FRRS1: variants seen among roughly 807,000 people sequenced by gnomAD.
FRRS1 encodes ferric chelate reductase 1, also known as ferric reductase 1.
Under a neutral mutation model 70.7 loss-of-function variants are expected in FRRS1, and 51 were observed. The ratio of observed to expected loss-of-function variants is 0.72; its 90% CI spans 0.58 to 0.91. The LOEUF is 0.91. Among genes scored for constraint, FRRS1 ranks in the 40% least tolerant of loss-of-function variants. FRRS1 has a pLI of 0.00. For synonymous variants in FRRS1, 225 were observed against 238.7 expected, an observed-to-expected ratio of 0.94 and a Z score of 0.53; for missense variants, 672 against 726.0, an observed-to-expected ratio of 0.93 and a Z score of 0.86.
rs377398277 is a variant in FRRS1, at chr1:99,704,419, G to A, written c.*4609C>T. Among the ~76,000 whole-genome samples the A allele has an allele frequency of 3.0e-4, 46 of 152,324 alleles. No homozygotes were observed. The South Asian group carries it at 6.8e-3, about 23-fold the overall frequency. On this transcript the variant is annotated 3_prime_UTR_variant, in exon 17 of 17. Transcript: ENST00000646001. ...AACTAGCTTTTGTAAGTGATAACGGGAGGGAAGTGCTGGGAAGGGCGTGGT... is the reference window on the plus strand; with the variant it reads ...AACTAGCTTTTGTAAGTGATAACGGAAGGGAAGTGCTGGGAAGGGCGTGGT...
intron 9 of FRRS1, among the ~76,000 whole-genome samples, chr1:99,727,392 T>G (rs1655124815): frequency 6.6e-6 from 1 of 152,230 alleles, no homozygotes; most frequent in Admixed American, 6.5e-5. Flanking sequence ...CTAAGATAAC[T>G]ACATGTATCA....
At chr1:99,725,963 A>G (rs1655062810) in intron 9 of FRRS1, among the ~76,000 whole-genome samples, 1 of 152,234 alleles carries the variant, frequency 6.6e-6, no homozygotes, top group African/African-American at 2.4e-5. Flanking sequence ...TGAATCAATA[A>G]TCATTTATGA....
intron 9 of FRRS1, among the ~76,000 whole-genome samples, chr1:99,727,109 T>TA (rs1327107609): frequency 6.6e-6 from 1 of 152,212 alleles, no homozygotes; most frequent in Non-Finnish European, 1.5e-5. Flanking sequence ...TTCACCTTTC[T>TA]AAGTCTGAAT....
At chr1:99,709,302 CA>C (rs1200141812) in intron 15 of FRRS1, 43 bp from the exon 16 acceptor site, 1 of 1,383,248 alleles carries the variant, frequency 7.2e-7, no homozygotes, top group African/African-American at 1.4e-5. Context: ...CAGCGTTATG[CA>C]GGTAAATTAA....
chr1:99,752,489 C>A (rs1236923566), intron 1 of FRRS1, among the ~76,000 whole-genome samples: 1 of 152,200 alleles, frequency 6.6e-6, no homozygotes, highest in African/African-American at 2.4e-5. Flanking sequence ...GCAGTCAGAA[C>A]ATACACAGTT....
intron 10 of FRRS1, 63 bp from the exon 11 acceptor site, chr1:99,717,588 C>T: frequency 3.6e-6 from 4 of 1,102,670 alleles, no homozygotes; most frequent in Non-Finnish European, 2.8e-6. Context: ...GCTTAAATGA[C>T]CAAGCCAAAT....
At chr1:99,754,102 G>C (rs1400001311) in intron 1 of FRRS1, among the ~76,000 whole-genome samples, 1 of 152,156 alleles carries the variant, frequency 6.6e-6, no homozygotes, top group African/African-American at 2.4e-5. Flanking sequence ...CAATGCAATA[G>C]AGCATCAAAA....
At chr1:99,711,623 G>A in intron 14 of FRRS1, 1 of 155,436 alleles carries the variant, frequency 6.4e-6, no homozygotes, top group Non-Finnish European at 1.4e-5. Flanking sequence ...GCAGTGTTAA[G>A]GTAGAAGGTG....
intron 11 of FRRS1, 22 bp downstream of exon 11, chr1:99,717,388 T>G: frequency 7.1e-7 from 1 of 1,411,020 alleles, no homozygotes; most frequent in Non-Finnish European, 1.0e-6. Flanking sequence ...AATATTGCAT[T>G]GAACTTTTTT....
intron 5 of FRRS1, among the ~76,000 whole-genome samples, chr1:99,741,186 C>A (rs1355816313): frequency 6.6e-6 from 1 of 152,190 alleles, no homozygotes; most frequent in East Asian, 1.9e-4. Context: ...GGCATATTCA[C>A]AATAGCCATG....
chr1:99,742,592 A>C (rs1190415232), intron 4 of FRRS1, among the ~76,000 whole-genome samples: 2 of 152,222 alleles, frequency 1.3e-5, no homozygotes, highest in African/African-American at 4.8e-5. Flanking sequence ...CTCTTCCATT[A>C]ATAGATACAA....
At chr1:99,740,991 T>A (rs1251675451) in intron 5 of FRRS1, 51 bp from the exon 6 acceptor site, 8 of 1,541,306 alleles carry the variant, frequency 5.2e-6, no homozygotes, top group Middle Eastern at 1.7e-4. Context: ...CCTGTCACAA[T>A]CAGATCAAAA....
At chr1:99,749,039 G>T (rs1445411565) in intron 1 of FRRS1, 38 bp from the exon 2 acceptor site, 5 of 250,606 alleles carry the variant, frequency 2.0e-5, no homozygotes, top group South Asian at 7.0e-5. Context: ...TTTCAATGCT[G>T]TTTTTTTTTT....
At chr1:99,744,986 A>G (rs1304197319) in intron 4 of FRRS1, among the ~76,000 whole-genome samples, 7 of 99,868 alleles carry the variant, frequency 7.0e-5, no homozygotes, top group South Asian at 2.9e-4. Flanking sequence ...AAAAAAAAAA[A>G]AAAAAAAAAA....
At chr1:99,739,338 G>A (rs113279571) in intron 6 of FRRS1, among the ~76,000 whole-genome samples, 14 of 152,240 alleles carry the variant, frequency 9.2e-5, no homozygotes, top group African/African-American at 2.6e-4. Context: ...TTGAATATAC[G>A]GAAAGACAAC....
intron 9 of FRRS1, among the ~76,000 whole-genome samples, chr1:99,723,514 T>G (rs1654937992): frequency 6.6e-6 from 1 of 151,738 alleles, no homozygotes; most frequent in African/African-American, 2.4e-5. Flanking sequence ...AGACCCTATC[T>G]CAAAAAAAAG....
At chr1:99,745,280 G>T (rs916090904) in intron 4 of FRRS1, among the ~76,000 whole-genome samples, 3 of 152,188 alleles carry the variant, frequency 2.0e-5, no homozygotes, top group African/African-American at 7.2e-5. Context: ...CACTGTTTTG[G>T]TTGTTAACTA....
chr1:99,707,398 T>C lies in FRRS1; in HGVS notation c.*1630A>G, dbSNP rs933480048. Among the ~76,000 whole-genome samples the C allele has an allele frequency of 5.9e-5, 9 of 152,244 alleles. No individual in the cohort carries two copies. The South Asian group carries it at 1.5e-3, about 25-fold the overall frequency. On this transcript the variant is annotated 3_prime_UTR_variant, in exon 17 of 17. Coordinates refer to ENST00000646001, the MANE Select transcript of FRRS1 (RefSeq NM_001361041.2). ...AAAGAATACCTAAAGAAATAAAGTA[T>C]GACTTCCTAAATTTTTTATTTTAAA...
At chr1:99,751,371 C>A (rs184432816) in intron 1 of FRRS1, among the ~76,000 whole-genome samples, 67 of 152,136 alleles carry the variant, frequency 4.4e-4, no homozygotes, top group East Asian at 1.9e-4. Flanking sequence ...TTCAGAATCA[C>A]AAGTCAATTT....
Sources: gnomAD v4.1 joint callset for allele counts (sites outside exome capture counted in the v4.1 genomes callset) on GRCh38, gnomAD v4.1.1 for gene constraint, MANE v1.5 for transcripts, NCBI Gene and HGNC (gene_info 2026-07-23, HGNC 2026-07-21) for gene names.